The following SLC25A45 variants were observed in gnomAD, a reference collection of about 807,000 sequenced individuals.
The protein encoded by SLC25A45 is methylated amino-acid transporter SLC25A45.
SLC25A45 carries 22 observed loss-of-function variants against 23.0 expected under a neutral mutation model. The observed-to-expected ratio is 0.95, with a 90% CI of 0.68 to 1.36. The LOEUF is 1.36. Ranked by LOEUF, SLC25A45 falls within the 40% of genes most tolerant of loss-of-function variation. The probability of loss-of-function intolerance (pLI) is 0.00; values close to 1 mark genes in which losing one functional copy is unlikely to be tolerated. For synonymous variants in SLC25A45, 136 were observed against 155.0 expected, an observed-to-expected ratio of 0.88 and a Z score of 0.91; for missense variants, 355 against 383.5, an observed-to-expected ratio of 0.93 and a Z score of 0.62.
Position 65,382,173 on chromosome 11 carries a change from G to C in SLC25A45, c.-18-204C>G, listed in dbSNP as rs975136674. ...GGAGTCGTGCAGAGTACAGTCTCAC[G>C]GGCCAGGCGTGCCGGGACCACAGAG... On this transcript the variant is annotated intron_variant, in intron 1 of 6. Coordinates refer to ENST00000398802, the MANE Select transcript of SLC25A45 (RefSeq NM_182556.4). This position sits in a 1 kb window ranked among gnomAD's most constrained non-coding sequence, Gnocchi z 4.4. The C allele has an allele frequency of 1.7e-6, 1 of 583,114 alleles. No individual in the cohort carries two copies. The highest frequency in any genetic ancestry group is 2.9e-5 in the Admixed American group (1 of 34,334). The allele number at this position is 583,114 out of a possible 1,614,324, so 36.1% of individuals were successfully genotyped here.
chr11:65,379,773 C>T, intron 4 of SLC25A45, 94 bp downstream of exon 4: 1 of 1,524,776 alleles, frequency 6.6e-7, no homozygotes, highest in Non-Finnish European at 9.0e-7. Context: ...TTCTCTCCTC[C>T]AGGAGCAGAA....
At chr11:65,380,620 G>A in intron 2 of SLC25A45, 1 of 1,292,230 alleles carries the variant, frequency 7.7e-7, no homozygotes, top group Non-Finnish European at 1.0e-6. Flanking sequence ...TGGCCACGCA[G>A]AACTGCAGGG....
chr11:65,379,291 T>C, intron 5 of SLC25A45, 85 bp downstream of exon 5: 1 of 1,505,190 alleles, frequency 6.6e-7, no homozygotes, highest in East Asian at 2.3e-5. Flanking sequence ...TCCACAGCTG[T>C]GGGTCGCCAG....
intron 5 of SLC25A45, chr11:65,379,011 T>C: frequency 3.6e-6 from 1 of 281,302 alleles, no homozygotes; most frequent in Non-Finnish European, 6.9e-6. Flanking sequence ...GGCTCACAGC[T>C]CTGCGGGGTG....
chr11:65,376,987 C>G lies in SLC25A45; in HGVS notation c.429G>C (p.Arg143=). The part of the protein sequence containing the change: ...PRAQPGSPPP[R]YQGPVHCAAS... Reference sequence around the variant, plus strand: ...CTGCACAGTGCACGGGCCCCTGGTACCGGGGTGGGGGGCTCCCTGGCTGGG... The same window carrying G: ...CTGCACAGTGCACGGGCCCCTGGTAGCGGGGTGGGGGGCTCCCTGGCTGGG... The change falls in exon 6 of 7, where the codon CGG becomes CGC. Residue 143 remains arginine, a synonymous_variant. Coordinates refer to ENST00000398802, the MANE Select transcript of SLC25A45 (RefSeq NM_182556.4). The G allele has an allele frequency of 6.2e-7, 1 of 1,613,422 alleles. No homozygotes were observed. The highest frequency in any genetic ancestry group is 8.5e-7 in the Non-Finnish European group (1 of 1,179,652).
chr11:65,381,560 CTTT>C (rs34891223), intron 2 of SLC25A45: 128 of 84,560 alleles, frequency 1.5e-3, no homozygotes, highest in South Asian at 3.6e-3. Flanking sequence ...TGCCCTGATT[CTTT>C]TTTTTTTTTT....
rs1855120546 is a variant in SLC25A45, at chr11:65,375,703, A to C, written c.*704T>G. The C allele has an allele frequency of 6.6e-6, 1 of 152,122 alleles. No individual in the cohort carries two copies. Among genetic ancestry groups the C allele is most frequent in the Non-Finnish European group, 1.5e-5 (1 of 68,154 alleles). The allele number at this position is 152,122 out of a possible 1,614,324, so 9.4% of individuals were successfully genotyped here. On this transcript the variant is annotated 3_prime_UTR_variant, in exon 7 of 7. Transcript: ENST00000398802. ...GGTTATCCTGGGTCATGGGGGAGAG[A>C]GCTTTGAAAGGCAGGGAGGTGGGAG...
At position 65,379,363 on chromosome 11, in the gene SLC25A45, A is replaced by G. The variant is rs749859253; in HGVS notation, c.339+13T>C. ...CTATGACACCTGTGTGTGCCCACTC[A>G]CTGCCCCCTCACCTGCAGGAACCCC... On this transcript the variant is annotated intron_variant, in intron 5 of 6. Transcript: ENST00000398802. 6.2e-7 allele frequency: 1 copy of G among 1,606,108 alleles called. No homozygotes were observed. The highest frequency in any genetic ancestry group is 8.5e-7 in the Non-Finnish European group (1 of 1,179,736).
At chr11:65,379,176 GTC>G in intron 5 of SLC25A45, 198 bp downstream of exon 5, 1 of 612,026 alleles carries the variant, frequency 1.6e-6, no homozygotes, top group South Asian at 2.0e-5. Context: ...CCCACCAGCT[GTC>G]TCTGCCTTTT....
At chr11:65,380,285 A>T in intron 2 of SLC25A45, 110 bp from the exon 3 acceptor site, 1 of 1,507,366 alleles carries the variant, frequency 6.6e-7, no homozygotes, top group Non-Finnish European at 9.2e-7. Flanking sequence ...GAGCAGGGCC[A>T]TCTCAGACAC....
At chr11:65,380,869 G>A (rs1855517626) in intron 2 of SLC25A45, 1 of 299,636 alleles carries the variant, frequency 3.3e-6, no homozygotes, top group Admixed American at 4.4e-5. Context: ...CCCACAGCCA[G>A]GTGGGGCAGA....
Position 65,379,924 on chromosome 11 carries a change from G to T in SLC25A45, c.96C>A (p.Thr32=). Reference sequence around the variant, plus strand: ...CAACGATGCCCCGGTAGGTGGTCTGGGTCTGCAGCCTCACCTGGGTGGGAG... The same window carrying T: ...CAACGATGCCCCGGTAGGTGGTCTGTGTCTGCAGCCTCACCTGGGTGGGAG... The part of the protein sequence containing the change: ...PFDTVKVRLQ[T]QTTYRGIVDC... The change falls in exon 4 of 7, where the codon ACC becomes ACA. Residue 32 remains threonine (T), a synonymous_variant. Transcript: ENST00000398802. 2 of 1,614,204 alleles carry T rather than the reference G, an allele frequency of 1.2e-6. No homozygotes were observed. The highest frequency in any genetic ancestry group is 1.7e-6 in the Non-Finnish European group (2 of 1,180,020).
At position 65,376,939 on chromosome 11, in the gene SLC25A45, C is replaced by A; in HGVS notation, c.477G>T (p.Gly159=). The stretch of plus-strand genomic sequence containing the variant: ...AGGCTCCTCGGAACAGCCCCCGGGG[C>A]CCCTCCTCCCGGAAGATGGAGGCTG... ...HCAASIFREE[G]PRGLFRGAWA... is the part of the protein sequence containing the mutation. The change falls in exon 6 of 7, where the codon GGG becomes GGT. Residue 159 remains glycine, a synonymous_variant. Coordinates refer to ENST00000398802, the MANE Select transcript of SLC25A45 (RefSeq NM_182556.4). 6 of 1,612,968 alleles carry A rather than the reference C, an allele frequency of 3.7e-6. No homozygotes were observed. The highest frequency in any genetic ancestry group is 5.1e-6 in the Non-Finnish European group (6 of 1,179,326).
chr11:65,380,199 G>A (rs1565581606), intron 2 of SLC25A45, 24 bp from the exon 3 acceptor site: 4 of 1,614,120 alleles, frequency 2.5e-6, no homozygotes, highest in Non-Finnish European at 3.4e-6. Context: ...AGGGTGCTAT[G>A]AGTGAGGGCC....
chr11:65,380,573 G>A, intron 2 of SLC25A45: 1 of 1,303,264 alleles, frequency 7.7e-7, no homozygotes, highest in South Asian at 1.2e-5. Flanking sequence ...AACTCATAAT[G>A]TCGTCGCCGG....
intron 2 of SLC25A45, chr11:65,380,469 C>T: frequency 7.9e-7 from 1 of 1,262,988 alleles, no homozygotes; most frequent in Non-Finnish European, 1.1e-6. Flanking sequence ...CTCGCTGGAG[C>T]CCATACCCGG....
intron 2 of SLC25A45, chr11:65,381,525 C>T: frequency 4.7e-6 from 1 of 212,644 alleles, no homozygotes; most frequent in Non-Finnish European, 9.5e-6. Context: ...TCGCAAAGTG[C>T]TGGGATTACA....
chr11:65,382,591 G>A lies in SLC25A45; in HGVS notation c.-124C>T, dbSNP rs1012122404. 1.3e-5 allele frequency: 2 copies of A among 154,618 alleles called. No individual in the cohort carries two copies. Among genetic ancestry groups the A allele is most frequent in the African/African-American group, 4.8e-5 (2 of 41,450 alleles). 9.6% of individuals were successfully genotyped at this position (154,618 alleles called of 1,614,324 possible). A position where few individuals can be genotyped will look rare whatever the true frequency, so the allele number is the denominator to read the frequency against. ...TTCCTCCTTCCCAGGGGAAAGATAG[G>A]GGTTTTGATTATTTAAAGTGCGTGT... On this transcript the variant is annotated 5_prime_UTR_variant, in exon 1 of 7. Transcript: ENST00000398802. This position sits in a 1 kb window ranked among gnomAD's most constrained non-coding sequence, Gnocchi z 4.4.
At position 65,377,215 on chromosome 11, in the gene SLC25A45, C is replaced by T. The variant is rs563571966; in HGVS notation, c.340-139G>A. On this transcript the variant is annotated intron_variant, in intron 5 of 6. Transcript: ENST00000398802. ...AACCCTGCCGGCACCCAGCCTCTCA[C>T]GTGCATGTGTGGCTGGGATGGCCAG... 5.1e-5 allele frequency: 74 copies of T among 1,441,924 alleles called. No individual in the cohort carries two copies. The African/African-American group carries it at 7.3e-4, about 14-fold the overall frequency. The allele number at this position is 1,441,924 out of a possible 1,614,324, so 89.3% of individuals were successfully genotyped here.
Sources: allele counts gnomAD v4.1 joint callset, GRCh38; gene constraint gnomAD v4.1.1; non-coding constraint Gnocchi (gnomAD v3.1); transcripts MANE v1.5; gene names NCBI Gene and HGNC (gene_info 2026-07-23, HGNC 2026-07-21).